The following OTOG variants were observed in gnomAD, a reference collection of about 807,000 sequenced individuals.
OTOG encodes otogelin.
A neutral mutation model predicts 313.8 loss-of-function variants in OTOG; 296 were observed. That is an observed-to-expected ratio of 0.94 (90% confidence interval 0.86 to 1.04). OTOG has a LOEUF of 1.04. OTOG is among the 50% of genes least tolerant of loss of function. The probability of loss-of-function intolerance (pLI) is 0.00; values close to 1 mark genes in which losing one functional copy is unlikely to be tolerated. For missense variants in OTOG, 3,948 were observed against 3,840.1 expected (o/e 1.03, Z -0.74); for synonymous variants, 1,533 against 1,554.9 (o/e 0.99, Z 0.33).
intron 24 of OTOG, among the ~76,000 whole-genome samples, chr11:17,590,016 C>T (rs1852893750): frequency 6.6e-6 from 1 of 152,122 alleles, no homozygotes; most frequent in African/African-American, 2.4e-5. Context: ...TCCTCTTCTC[C>T]AACCTCTTGA....
rs955072981 is a variant in OTOG at position 17,612,345 on chromosome 11, C to G, written c.6292+15C>G. The G allele has an allele frequency of 6.6e-7, 1 of 1,517,224 alleles. No homozygotes were observed. Among genetic ancestry groups the G allele is most frequent in the Non-Finnish European group, 8.8e-7 (1 of 1,134,994 alleles). 94.0% of individuals were successfully genotyped at this position (1,517,224 alleles called of 1,614,324 possible). Reference sequence around the variant, plus strand: ...GGAGTGTGCCTGTGAGTCATGGGATCAGCGGAGCCTCCTGCATCCTCCCTG... The same window carrying G: ...GGAGTGTGCCTGTGAGTCATGGGATGAGCGGAGCCTCCTGCATCCTCCCTG... On this transcript the variant is annotated intron_variant, in intron 37 of 55. Transcript: ENST00000399397.
Position 17,631,938 on chromosome 11 carries a change from G to A in OTOG, c.6933+16G>A. On this transcript the variant is annotated intron_variant, in intron 41 of 55. Coordinates refer to ENST00000399397, the MANE Select transcript of OTOG (RefSeq NM_001292063.2). Reference sequence around the variant, plus strand: ...CCACCGCTTTGTATGTGCCAACTGGGTCCAGCACTGGGGACACCTCCTGGG... The same window carrying A: ...CCACCGCTTTGTATGTGCCAACTGGATCCAGCACTGGGGACACCTCCTGGG... 6.5e-7 allele frequency: 1 copy of A among 1,548,638 alleles called. No individual in the cohort carries two copies. Among genetic ancestry groups the A allele is most frequent in the Non-Finnish European group, 8.7e-7 (1 of 1,146,862 alleles).
At chr11:17,603,719 G>A (rs1853311938) in intron 32 of OTOG, among the ~76,000 whole-genome samples, 1 of 152,196 alleles carries the variant, frequency 6.6e-6, no homozygotes, top group Admixed American at 6.5e-5. Context: ...TGTCCCTTGA[G>A]TTGGGCCTTA....
At chr11:17,644,266 C>T (rs1404801490) in intron 54 of OTOG, among the ~76,000 whole-genome samples, 1 of 152,240 alleles carries the variant, frequency 6.6e-6, no homozygotes, top group African/African-American at 2.4e-5. Context: ...AGTCCAGGGC[C>T]CAGAGGGCCA....
intron 36 of OTOG, among the ~76,000 whole-genome samples, chr11:17,611,845 T>C (rs1259384143): frequency 6.6e-6 from 1 of 152,084 alleles, no homozygotes; most frequent in African/African-American, 2.4e-5. Flanking sequence ...TTTGTGTGTA[T>C]AGGCTTGTGC....
In OTOG at chr11:17,629,390, G is replaced by A. The variant is rs532689769; in HGVS notation, c.6712+74G>A. The A allele has an allele frequency of 5.4e-5, 78 of 1,443,314 alleles. No individual in the cohort carries two copies. In the African/African-American group the frequency reaches 1.0e-3, roughly 19 times the overall value. The allele number at this position is 1,443,314 out of a possible 1,614,324, so 89.4% of individuals were successfully genotyped here. ...TCTGCCCCCACACATAATTCCTCCT[G>A]GAGCAGGAAAGGCTGGGACAGAATA... On this transcript the variant is annotated intron_variant, in intron 40 of 55. Coordinates refer to ENST00000399397, the MANE Select transcript of OTOG (RefSeq NM_001292063.2).
chr11:17,605,770 TGA>T, intron 32 of OTOG, 85 bp from the exon 33 acceptor site: 1 of 1,406,750 alleles, frequency 7.1e-7, no homozygotes, highest in South Asian at 1.5e-5. Context: ...CCAGAGTCGC[TGA>T]GAGAGCAGAT....
At chr11:17,552,670 G>A (rs914121286) in intron 4 of OTOG, among the ~76,000 whole-genome samples, 8 of 131,616 alleles carry the variant, frequency 6.1e-5, no homozygotes, top group African/African-American at 1.8e-4. Flanking sequence ...TCTTCCCTTC[G>A]TCTATGGTTG....
intron 47 of OTOG, among the ~76,000 whole-genome samples, chr11:17,636,465 A>G (rs12793054): frequency 0.037 from 5,558 of 152,254 alleles, 140 homozygotes; most frequent in Middle Eastern, 0.068. Flanking sequence ...CTTACACAGA[A>G]CAGAGTAGGA....
rs1291218236 is a variant in OTOG, at chr11:17,634,167, A to G, written c.7366A>G (p.Ile2456Val). The change falls in exon 44 of 56, where the codon ATT becomes GTT. Residue 2456 changes from isoleucine (I) to valine (V), a missense_variant. By Grantham distance (29) the Ile-to-Val change is conservative. Coordinates refer to ENST00000399397, the MANE Select transcript of OTOG (RefSeq NM_001292063.2). ...CQHQCQAPDT[I>V]VPVDLGCPSP... The stretch of plus-strand genomic sequence containing the variant: ...GCACCAGTGCCAAGCCCCAGACACC[A>G]TTGTCCCGGTGGATCTGGGCTGCCC... The G allele has an allele frequency of 1.9e-6, 3 of 1,549,872 alleles. No homozygotes were observed. The East Asian group carries it at 7.3e-5, about 38-fold the overall frequency.
chr11:17,613,227 C>CTTTCTT (rs1853626828), intron 38 of OTOG, among the ~76,000 whole-genome samples: 1 of 134,644 alleles, frequency 7.4e-6, no homozygotes, highest in Admixed American at 7.4e-5. Context: ...TTCTTTCTTT[C>CTTTCTT]TTTCTTTCTT....
rs1852045887 is a variant in OTOG at position 17,555,807 on chromosome 11, C to T, written c.569C>T (p.Ser190Leu). ...CACAATGACCCGCAGTGTGGCTCTT[C>T]ACCCTACACCTGCTCCAGGGCTGTC... ...QVHNDPQCGS[S>L]PYTCSRAVSL... is the part of the protein sequence containing the mutation. Residue 190 changes from serine (S) to leucine (L), a missense_variant, in exon 7 of 56, where the codon TCA (serine) becomes TTA (leucine). Transcript: ENST00000399397. The T allele has an allele frequency of 6.4e-7, 1 of 1,550,650 alleles. No individual in the cohort carries two copies. Among genetic ancestry groups the T allele is most frequent in the Non-Finnish European group, 8.7e-7 (1 of 1,146,998 alleles).
chr11:17,632,150 C>A lies in OTOG; in HGVS notation c.6996C>A (p.Cys2332Ter). 6.4e-7 allele frequency: 1 copy of A among 1,551,058 alleles called. No individual in the cohort carries two copies. The highest frequency in any genetic ancestry group is 8.7e-7 in the Non-Finnish European group (1 of 1,147,006). Reference protein sequence around the residue: ...IRDTKYVQQPCVALTVYVAMC... With the variant: ...IRDTKYVQQP ...ACACCAAGTACGTGCAGCAGCCCTG[C>A]GTGGCCCTGACTGTGTACGTGGCCA... is the stretch of plus-strand genomic sequence containing the variant. Residue 2332 changes from cysteine (C) to a stop codon, truncating the protein, a stop_gained, in exon 42 of 56, where the codon TGC becomes TGA. Transcript: ENST00000399397. LOFTEE classifies it high-confidence loss of function.
intron 40 of OTOG, 94 bp downstream of exon 40, chr11:17,629,410 A>G: frequency 7.4e-7 from 1 of 1,352,086 alleles, no homozygotes; most frequent in African/African-American, 1.5e-5. Flanking sequence ...AGGCTGGGAC[A>G]GAATACCAGG....
intron 35 of OTOG, among the ~76,000 whole-genome samples, 162 bp downstream of exon 35, chr11:17,609,371 G>T (rs962189411): frequency 1.3e-5 from 2 of 152,120 alleles, no homozygotes; most frequent in African/African-American, 4.8e-5. Context: ...GGCCTCATCC[G>T]GTCTATTCGC....
At chr11:17,567,010 C>A (rs1334655551) in intron 15 of OTOG, among the ~76,000 whole-genome samples, 1 of 152,194 alleles carries the variant, frequency 6.6e-6, no homozygotes, top group African/African-American at 2.4e-5. Flanking sequence ...ATTTTATGCA[C>A]ATTTAAAAAT....
Position 17,596,099 on chromosome 11 carries a change from C to T in OTOG, c.3470C>T (p.Ala1157Val). 1 of 1,550,766 alleles carries T rather than the reference C, an allele frequency of 6.4e-7. No homozygotes were observed. The highest frequency in any genetic ancestry group is 1.4e-5 in the African/African-American group (1 of 73,154). The change falls in exon 29 of 56, where the codon GCC becomes GTC. Residue 1157 changes from alanine to valine, a missense_variant. Coordinates refer to ENST00000399397, the MANE Select transcript of OTOG (RefSeq NM_001292063.2). ...CVLNPLREPFAKKECSILLSE... is the reference protein window; with the variant it reads ...CVLNPLREPFVKKECSILLSE... The stretch of plus-strand genomic sequence containing the variant: ...CTGAATCCTCTCCGAGAACCATTTG[C>T]CAAGAAGGAGTGCAGCATCCTGCTC...
chr11:17,607,697 A>G (rs1853422872), intron 33 of OTOG, among the ~76,000 whole-genome samples: 1 of 152,170 alleles, frequency 6.6e-6, no homozygotes, highest in African/African-American at 2.4e-5. Context: ...GCCCTCTGGG[A>G]ACAGAGAGGG....
rs1486548689 is a variant in OTOG at position 17,574,999 on chromosome 11, G to A, written c.2486+87G>A. The A allele has an allele frequency of 8.4e-6, 11 of 1,302,360 alleles. No homozygotes were observed. In the African/African-American group the frequency reaches 1.5e-4, roughly 18 times the overall value. 80.7% of individuals were successfully genotyped at this position (1,302,360 alleles called of 1,614,324 possible). ...ATCTGAGACTGGGGAACCTGGCTGGGCCTCTTGTGTCCCTCCTTCCCCTCA... is the reference window on the plus strand; with the variant it reads ...ATCTGAGACTGGGGAACCTGGCTGGACCTCTTGTGTCCCTCCTTCCCCTCA... On this transcript the variant is annotated intron_variant, in intron 20 of 55. Coordinates refer to ENST00000399397, the MANE Select transcript of OTOG (RefSeq NM_001292063.2).
Sources: allele counts gnomAD v4.1 joint callset (sites outside exome capture counted in the v4.1 genomes callset), GRCh38; gene constraint gnomAD v4.1.1; transcripts MANE v1.5; gene names NCBI Gene and HGNC (gene_info 2026-07-23, HGNC 2026-07-21).